The following DCC variants were observed in gnomAD, a reference collection of about 807,000 sequenced individuals.
DCC encodes the protein DCC netrin 1 receptor, also known as netrin receptor DCC.
Under a neutral mutation model 172.5 loss-of-function variants are expected in DCC, and 58 were observed. That is an observed-to-expected ratio of 0.34 (90% CI 0.27 to 0.42). DCC has a LOEUF of 0.42. Among genes scored for constraint, DCC ranks in the 10% least tolerant of loss-of-function variants. The pLI is 1.00. For missense variants in DCC, 1,740 were observed against 1,791.0 expected, an observed-to-expected ratio of 0.97 and a Z score of 0.51; for synonymous variants, 709 against 644.5, an observed-to-expected ratio of 1.10 and a Z score of -1.52.
At chr18:53,227,588 C>T (rs1292807963) in intron 12 of DCC, among the ~76,000 whole-genome samples, 1 of 152,098 alleles carries the variant, frequency 6.6e-6, no homozygotes, top group African/African-American at 2.4e-5. Context: ...ATGGATTTGT[C>T]AGATACATTG....
At chr18:52,969,020 A>C (rs191472951) in intron 5 of DCC, among the ~76,000 whole-genome samples, 66 of 151,204 alleles carry the variant, frequency 4.4e-4, no homozygotes, top group East Asian at 9.7e-4. Flanking sequence ...ACAACAACAA[A>C]AAAAAACGGT....
intron 3 of DCC, among the ~76,000 whole-genome samples, chr18:52,912,148 T>C (rs2039979464): frequency 6.6e-6 from 1 of 152,108 alleles, no homozygotes; most frequent in African/African-American, 2.4e-5. Context: ...AAATCTTGGT[T>C]TCACCACCTG....
chr18:53,493,360 T>C (rs1335755297), intron 26 of DCC, among the ~76,000 whole-genome samples: 2 of 152,224 alleles, frequency 1.3e-5, no homozygotes, highest in South Asian at 2.1e-4. Context: ...TCCAACACTA[T>C]GTTGAATAGG....
chr18:53,443,903 A>G (rs1912432771), intron 22 of DCC, among the ~76,000 whole-genome samples: 1 of 152,242 alleles, frequency 6.6e-6, no homozygotes, highest in South Asian at 2.1e-4. Flanking sequence ...AGCCAGAATG[A>G]TAAGAGGAGC....
intron 1 of DCC, among the ~76,000 whole-genome samples, chr18:52,731,107 T>C (rs532306712): frequency 6.6e-6 from 1 of 152,352 alleles, no homozygotes; most frequent in African/African-American, 2.4e-5. Flanking sequence ...TTGTGTCTAT[T>C]ATGTGGTCCT....
At chr18:52,502,779 C>T (rs2031079792) in intron 1 of DCC, among the ~76,000 whole-genome samples, 1 of 152,166 alleles carries the variant, frequency 6.6e-6, no homozygotes, top group African/African-American at 2.4e-5. Flanking sequence ...ATTCTAAAAG[C>T]CCCGAGGCGG....
chr18:53,294,019 G>C (rs1314363500), intron 12 of DCC, among the ~76,000 whole-genome samples: 1 of 152,122 alleles, frequency 6.6e-6, no homozygotes, highest in African/African-American at 2.4e-5. Flanking sequence ...CTACAATGAA[G>C]CGGGTTGGGT....
At chr18:53,021,093 A>C (rs1011700063) in intron 5 of DCC, among the ~76,000 whole-genome samples, 31 of 152,098 alleles carry the variant, frequency 2.0e-4, no homozygotes, top group African/African-American at 7.2e-4. Flanking sequence ...TGTTGAACCC[A>C]CTGACGGCCT....
chr18:52,392,711 C>T (rs921347613), intron 1 of DCC, among the ~76,000 whole-genome samples: 5 of 152,032 alleles, frequency 3.3e-5, no homozygotes, highest in African/African-American at 7.2e-5. Context: ...ATGGGTGGTA[C>T]ATTATTTACT....
chr18:52,434,025 T>G (rs1447736970), intron 1 of DCC, among the ~76,000 whole-genome samples: 1 of 152,206 alleles, frequency 6.6e-6, no homozygotes, highest in Admixed American at 6.5e-5. Flanking sequence ...AAATGTGTGG[T>G]GTAAAGCCAT....
At chr18:52,742,119 T>A (rs2036831035) in intron 1 of DCC, among the ~76,000 whole-genome samples, 1 of 152,214 alleles carries the variant, frequency 6.6e-6, no homozygotes, top group African/African-American at 2.4e-5. Flanking sequence ...GAATGGGACC[T>A]GCCTTGCTAA....
At chr18:52,555,632 T>C (rs758689189) in intron 1 of DCC, among the ~76,000 whole-genome samples, 2 of 152,144 alleles carry the variant, frequency 1.3e-5, no homozygotes, top group Non-Finnish European at 2.9e-5. Context: ...CCATTAATAA[T>C]GCACACAGGA....
intron 7 of DCC, among the ~76,000 whole-genome samples, chr18:53,098,914 G>A (rs2144209223): frequency 6.6e-6 from 1 of 152,210 alleles, no homozygotes. Context: ...TGGAGGCTGA[G>A]ACAGAGAGGA....
intron 2 of DCC, among the ~76,000 whole-genome samples, chr18:52,862,744 A>G (rs569410117): frequency 6.6e-6 from 1 of 152,180 alleles, no homozygotes; most frequent in African/African-American, 2.4e-5. Flanking sequence ...TCAAAAATCA[A>G]AAACACTTAC....
intron 3 of DCC, among the ~76,000 whole-genome samples, chr18:52,922,424 T>G (rs1407788108): frequency 6.6e-6 from 1 of 152,192 alleles, no homozygotes; most frequent in Non-Finnish European, 1.5e-5. Context: ...ATATTCTCTT[T>G]GACCACCAGC....
chr18:52,871,896 C>A (rs2145384817), intron 2 of DCC, among the ~76,000 whole-genome samples: 1 of 152,210 alleles, frequency 6.6e-6, no homozygotes, highest in East Asian at 1.9e-4. Context: ...CAAAAAGGGA[C>A]AATTATTTTT....
chr18:52,711,824 G>T (rs1294724925), intron 1 of DCC, among the ~76,000 whole-genome samples: 2 of 152,072 alleles, frequency 1.3e-5, no homozygotes, highest in African/African-American at 4.8e-5. Flanking sequence ...TTTGATACCT[G>T]CTTTGCTAAC....
At chr18:52,916,290 A>G (rs975293928) in intron 3 of DCC, among the ~76,000 whole-genome samples, 3 of 151,712 alleles carry the variant, frequency 2.0e-5, no homozygotes, top group Admixed American at 1.3e-4. Flanking sequence ...ACACTTGGAT[A>G]CTTGTTACAC....
At chr18:52,712,734 A>G (rs551791565) in intron 1 of DCC, among the ~76,000 whole-genome samples, 1 of 152,346 alleles carries the variant, frequency 6.6e-6, no homozygotes, top group East Asian at 1.9e-4. Context: ...CATAGTTACC[A>G]GTGTTGCCTT....
Sources: gnomAD v4.1 joint callset for allele counts (sites outside exome capture counted in the v4.1 genomes callset) on GRCh38, gnomAD v4.1.1 for gene constraint, MANE v1.5 for transcripts, NCBI Gene and HGNC (gene_info 2026-07-23, HGNC 2026-07-21) for gene names.